MED14: variants seen among roughly 807,000 people sequenced by gnomAD.
MED14 encodes the protein mediator complex subunit 14.
Under a neutral mutation model 109.0 loss-of-function variants are expected in MED14, and 8 were observed. The ratio of observed to expected loss-of-function variants is 0.07; its 90% CI spans 0.04 to 0.13. MED14 has a LOEUF of 0.13. Ranked by LOEUF, MED14 falls within the 10% of genes least tolerant of loss-of-function variation. The pLI, the probability that MED14 is intolerant of heterozygous loss-of-function variation, is 1.00. For missense variants in MED14, 711 were observed against 1,142.4 expected (o/e 0.62, Z 5.44); for synonymous variants, 399 against 408.7 (o/e 0.98, Z 0.29).
At position 40,651,725 on chromosome X, in the gene MED14, TC is replaced by T. The variant is rs1569276171; in HGVS notation, c.*80del. The stretch of plus-strand genomic sequence containing the variant: ...TTAAAGTTTAAAAAAAAAGTCCTTT[TC>T]CTTTTTTAAACTGAAGGCTGAATTC... On this transcript the variant is annotated 3_prime_UTR_variant, in exon 31 of 31. Transcript: ENST00000324817. 9.1e-7 allele frequency: 1 copy of T among 1,096,317 alleles called. No individual in the cohort carries two copies. Among genetic ancestry groups the T allele is most frequent in the African/African-American group, 1.9e-5 (1 of 52,107 alleles). 90.3% of individuals were successfully genotyped at this position (1,096,317 alleles called of 1,213,427 possible).
At chrX:40,678,963 A>C (rs745903217) in intron 21 of MED14, among the ~76,000 whole-genome samples, 31 of 112,502 alleles carry the variant, frequency 2.8e-4, no homozygotes, top group South Asian at 3.7e-4. Flanking sequence ...AATCAGCTAC[A>C]TAAGAACTGA....
At chrX:40,662,854 C>A (rs745627151) in intron 26 of MED14, 71 bp downstream of exon 26, 5 of 798,740 alleles carry the variant, frequency 6.3e-6, no homozygotes, top group East Asian at 6.8e-5. Context: ...TAGTTCAGAT[C>A]CTATCCTGCA....
chrX:40,705,416 A>G (rs192135824), intron 10 of MED14, among the ~76,000 whole-genome samples: 10 of 112,350 alleles, frequency 8.9e-5, no homozygotes, highest in African/African-American at 3.2e-4. Context: ...AAGAATACAG[A>G]TAACACAGTT....
Position 40,692,731 on chromosome X carries a change from T to C in MED14, c.1822A>G (p.Thr608Ala). Reference protein sequence around the residue: ...LVFRTKTGKQTRTNAKRKLSD... With the variant: ...LVFRTKTGKQARTNAKRKLSD... ...ACCTTGCGCTTGGCATTGGTTCTGG[T>C]CTGTTTCCCGGTTTTTGTACGAAAA... is the stretch of plus-strand genomic sequence containing the variant. The change falls in exon 14 of 31, where the codon ACC becomes GCC. Residue 608 changes from threonine to alanine, a missense_variant. Around this residue, in one of 8 missense-constraint regions of MED14, gnomAD observed 388 missense variants for 517.3 expected, o/e 0.75. Transcript: ENST00000324817. The C allele has an allele frequency of 3.3e-6, 4 of 1,209,372 alleles. No individual in the cohort carries two copies. The highest frequency in any genetic ancestry group is 2.2e-6 in the Non-Finnish European group (2 of 895,022).
intron 12 of MED14, among the ~76,000 whole-genome samples, chrX:40,699,837 T>C (rs1381050570): frequency 8.9e-6 from 1 of 112,073 alleles, no homozygotes; most frequent in Non-Finnish European, 1.9e-5. Flanking sequence ...ATATTATCTA[T>C]CTACTGGCTT....
chrX:40,692,633 A>G, intron 14 of MED14, 75 bp downstream of exon 14: 2 of 984,812 alleles, frequency 2.0e-6, no homozygotes, highest in Non-Finnish European at 2.8e-6. Context: ...GTTCTTTCTC[A>G]TATTAAAAAT....
chrX:40,662,674 T>A (rs113263874), intron 26 of MED14, among the ~76,000 whole-genome samples: 230 of 112,274 alleles, frequency 2.0e-3, no homozygotes, highest in Non-Finnish European at 2.2e-3. Context: ...TCCAGGTCCA[T>A]GTTAGCCATA....
rs994969415 is a variant in MED14 at position 40,654,279 on chromosome X, GGAGAA to G, written c.4291+80_4291+84del. On this transcript the variant is annotated intron_variant, in intron 30 of 30. Coordinates refer to ENST00000324817, the MANE Select transcript of MED14 (RefSeq NM_004229.4). ...ATTGGGTGGTAGAGTAGGTAAGGAGGGAGAAGAGAAGAGGAGAAAGGGGTGTCTCT... is the reference window on the plus strand; with the variant it reads ...ATTGGGTGGTAGAGTAGGTAAGGAGGGAGAAGAGGAGAAAGGGGTGTCTCT... 7 of 863,967 alleles carry G rather than the reference GGAGAA, an allele frequency of 8.1e-6. No individual in the cohort carries two copies. The East Asian group carries it at 9.6e-5, about 12-fold the overall frequency. The allele number at this position is 863,967 out of a possible 1,213,427, so 71.2% of individuals were successfully genotyped here.
intron 3 of MED14, among the ~76,000 whole-genome samples, chrX:40,723,247 C>T (rs1931779559): frequency 8.9e-6 from 1 of 112,176 alleles, no homozygotes; most frequent in Non-Finnish European, 1.9e-5. Flanking sequence ...TAAAGTTAAA[C>T]TGCAGAGTTT....
At chrX:40,717,032 G>C (rs1352061758) in intron 3 of MED14, among the ~76,000 whole-genome samples, 1 of 111,181 alleles carries the variant, frequency 9.0e-6, no homozygotes, top group Non-Finnish European at 1.9e-5. Context: ...ATGAAGAAAA[G>C]TTGGTACAAA....
chrX:40,654,804 G>T, intron 29 of MED14, 131 bp downstream of exon 29: 2 of 872,881 alleles, frequency 2.3e-6, no homozygotes, highest in Non-Finnish European at 1.6e-6. Context: ...CATCTACGCT[G>T]ACAATTAAGG....
chrX:40,659,605 C>T lies in MED14; in HGVS notation c.3687G>A (p.Leu1229=). Residue 1229 remains leucine, a splice_region_variant and synonymous_variant, in exon 27 of 31, where the codon CTG becomes CTA. Transcript: ENST00000324817. ...HLQRIIQQET[L]QLINSNEPGV... The stretch of plus-strand genomic sequence containing the variant: ...CGGGTTCATTAGAATTTATCAGCTG[C>T]AGCTACAAAACAAGGACACATCAAA... 8.4e-7 allele frequency: 1 copy of T among 1,192,430 alleles called. No homozygotes were observed. Among genetic ancestry groups the T allele is most frequent in the Non-Finnish European group, 1.1e-6 (1 of 886,213 alleles).
rs777570190 is a variant in MED14, at chrX:40,681,771, T to G, written c.2457+81A>C. The G allele has an allele frequency of 4.7e-4, 246 of 523,713 alleles. 1 individual carries two copies. In the African/African-American group the frequency reaches 5.6e-3, roughly 12 times the overall value. The allele number at this position is 523,713 out of a possible 1,213,427, so 43.2% of individuals were successfully genotyped here. ...ACTTTTACTTGAGCTCTTACTTATA[T>G]TAAGGTAATTTTCATGTTTTTTTAA... is the stretch of plus-strand genomic sequence containing the variant. On this transcript the variant is annotated intron_variant, in intron 19 of 30. Transcript: ENST00000324817.
At chrX:40,654,657 A>G (rs1044358063) in intron 29 of MED14, 101 bp from the exon 30 acceptor site, 2 of 872,531 alleles carry the variant, frequency 2.3e-6, no homozygotes, top group African/African-American at 4.1e-5. Flanking sequence ...AGATTAAGAT[A>G]AGCAAGCAAA....
chrX:40,714,036 C>G (rs1018288303), intron 4 of MED14, 129 bp from the exon 5 acceptor site: 2 of 680,369 alleles, frequency 2.9e-6, no homozygotes, highest in African/African-American at 2.3e-5. Context: ...CTGCAGTCTA[C>G]TTACAAAAAC....
chrX:40,695,552 TA>T (rs1930694505), intron 13 of MED14, among the ~76,000 whole-genome samples: 2 of 112,421 alleles, frequency 1.8e-5, no homozygotes, highest in African/African-American at 6.5e-5. Context: ...AAAGCGTGGT[TA>T]AATGTCATAA....
At chrX:40,657,206 A>G (rs1054591275) in intron 28 of MED14, among the ~76,000 whole-genome samples, 1 of 111,810 alleles carries the variant, frequency 8.9e-6, no homozygotes, top group African/African-American at 3.3e-5. Context: ...ATCTTTTTAA[A>G]TGCTATTATG....
chrX:40,692,220 C>T lies in MED14; in HGVS notation c.1943G>A (p.Cys648Tyr), dbSNP rs1930541254. 2 of 1,208,113 alleles carry T rather than the reference C, an allele frequency of 1.7e-6. No individual in the cohort carries two copies. The highest frequency in any genetic ancestry group is 2.2e-6 in the Non-Finnish European group (2 of 894,245). ...TCCTACAAATGGCATATTTGTATCACACATAGCGACGAAGTGGGCTAAAAC... is the reference window on the plus strand; with the variant it reads ...TCCTACAAATGGCATATTTGTATCATACATAGCGACGAAGTGGGCTAAAAC... ...NKVLAHFVAMCDTNMPFVGLR... is the reference protein window; with the variant it reads ...NKVLAHFVAMYDTNMPFVGLR... The change falls in exon 15 of 31, where the codon TGT (cysteine) becomes TAT (tyrosine). Residue 648 changes from cysteine (C) to tyrosine (Y), a missense_variant. Cys to Tyr is a radical substitution (Grantham distance 194). Coordinates refer to ENST00000324817, the MANE Select transcript of MED14 (RefSeq NM_004229.4).
chrX:40,713,064 G>A (rs775156638), intron 5 of MED14, 22 bp from the exon 6 acceptor site: 1 of 1,145,321 alleles, frequency 8.7e-7, no homozygotes, highest in African/African-American at 1.8e-5. Flanking sequence ...AAAAGATGAA[G>A]AAAAAGAAGT....
Sources: allele counts gnomAD v4.1 joint callset (sites outside exome capture counted in the v4.1 genomes callset), GRCh38; gene constraint gnomAD v4.1.1; regional missense constraint gnomAD v4.1.1; transcripts MANE v1.5; gene names NCBI Gene and HGNC (gene_info 2026-07-23, HGNC 2026-07-21).